The following SLC25A36 variants were observed in gnomAD, a reference collection of about 807,000 sequenced individuals.
The protein encoded by SLC25A36 is epididymis secretory sperm binding protein.
In SLC25A36, 24 loss-of-function variants were observed where a neutral mutation model predicts 35.3. That is an observed-to-expected ratio of 0.68 (90% CI 0.49 to 0.96). The LOEUF (loss-of-function observed/expected upper bound fraction) is 0.96. Among genes scored for constraint, SLC25A36 ranks in the 40% least tolerant of loss-of-function variants. SLC25A36 has a pLI of 0.00. For synonymous variants in SLC25A36, 141 were observed against 132.2 expected, an observed-to-expected ratio of 1.07 and a Z score of -0.46; for missense variants, 294 against 381.1, an observed-to-expected ratio of 0.77 and a Z score of 1.90.
In SLC25A36 at chr3:140,977,026, T is replaced by G. The variant is rs577790771; in HGVS notation, c.*573T>G. On this transcript the variant is annotated 3_prime_UTR_variant, in exon 7 of 7. Transcript: ENST00000324194. ...GTATATTTTTTAGCATCAAAATGTT[T>G]TGGTTTCCACTGCTGACAGGTGCTT... 6.6e-6 allele frequency: 1 copy of G among 152,342 alleles called. No individual in the cohort carries two copies. The highest frequency in any genetic ancestry group is 1.5e-5 in the Non-Finnish European group (1 of 68,034). 9.4% of individuals were successfully genotyped at this position (152,342 alleles called of 1,614,324 possible).
At chr3:140,953,902 C>G (rs752747685) in intron 1 of SLC25A36, among the ~76,000 whole-genome samples, 13 of 152,144 alleles carry the variant, frequency 8.5e-5, no homozygotes, top group Non-Finnish European at 1.6e-4. Context: ...CCCAGGAGTT[C>G]AAGGCTACAG....
intron 1 of SLC25A36, 95 bp downstream of exon 1, chr3:140,942,190 G>C (rs946207076): frequency 1.5e-5 from 2 of 136,508 alleles, no homozygotes; most frequent in African/African-American, 2.8e-5. Flanking sequence ...GGGTGGGGGG[G>C]TGGGGGGGCG....
intron 4 of SLC25A36, chr3:140,968,656 GT>G (rs1459804781): frequency 1.2e-4 from 118 of 978,326 alleles, no homozygotes; most frequent in Non-Finnish European, 1.3e-4. Flanking sequence ...CTATTGTAAA[GT>G]TTTTTATATA....
At chr3:140,958,959 TTTGTGTG>T (rs1934553473) in intron 2 of SLC25A36, among the ~76,000 whole-genome samples, 1 of 123,924 alleles carries the variant, frequency 8.1e-6, no homozygotes, top group Non-Finnish European at 1.6e-5. Flanking sequence ...AAAACAATGT[TTTGTGTG>T]TGTGTGTGTG....
chr3:140,957,405 T>C (rs1934506283), intron 2 of SLC25A36, among the ~76,000 whole-genome samples: 1 of 152,188 alleles, frequency 6.6e-6, no homozygotes, highest in Non-Finnish European at 1.5e-5. Context: ...TTCAAACTTG[T>C]TTACATAAGT....
chr3:140,978,708 C>T lies in SLC25A36; in HGVS notation c.*2255C>T, dbSNP rs1935115142. On this transcript the variant is annotated 3_prime_UTR_variant, in exon 7 of 7. Transcript: ENST00000324194. ...AGCAAAGAAATCTTAGAGTCTTGGA[C>T]ATTGTTTATTTGTGCAACAACTAGA... is the stretch of plus-strand genomic sequence containing the variant. 1 of 152,098 alleles carries T rather than the reference C, an allele frequency of 6.6e-6. No homozygotes were observed. The highest frequency in any genetic ancestry group is 2.4e-5 in the African/African-American group (1 of 41,422). 9.4% of individuals were successfully genotyped at this position (152,098 alleles called of 1,614,324 possible). A position where few individuals can be genotyped will look rare whatever the true frequency, so the allele number is the denominator to read the frequency against.
chr3:140,943,406 G>T (rs932462834), intron 1 of SLC25A36, among the ~76,000 whole-genome samples: 2 of 152,082 alleles, frequency 1.3e-5, no homozygotes, highest in African/African-American at 4.8e-5. Context: ...CACTGTTCTG[G>T]CATAAAAACA....
intron 3 of SLC25A36, among the ~76,000 whole-genome samples, chr3:140,962,626 C>T (rs1934657840): frequency 6.6e-6 from 1 of 151,574 alleles, no homozygotes; most frequent in East Asian, 1.9e-4. Flanking sequence ...GGATCTGCTT[C>T]ACCCTCTTCT....
intron 3 of SLC25A36, among the ~76,000 whole-genome samples, chr3:140,960,113 T>C (rs2107798271): frequency 6.6e-6 from 1 of 152,254 alleles, no homozygotes; most frequent in South Asian, 2.1e-4. Context: ...GGAAATACTC[T>C]CGTAGCTAGT....
At chr3:140,942,436 C>G (rs906891060) in intron 1 of SLC25A36, 2 of 208,122 alleles carry the variant, frequency 9.6e-6, no homozygotes, top group Non-Finnish European at 1.9e-5. Context: ...TCTGAGGAGA[C>G]GCGGGCAAGA....
In SLC25A36 at chr3:140,975,794, A is replaced by G. The variant is rs546561697; in HGVS notation, c.743-466A>G. Among the ~76,000 whole-genome samples the G allele has an allele frequency of 8.1e-4, 124 of 152,360 alleles. 1 individual carries two copies. The highest frequency in any genetic ancestry group is 1.5e-3 in the Non-Finnish European group (101 of 68,036). Reference sequence around the variant, plus strand: ...GAACATTGTCAACTTCTTTGTCCACATGATGTTTCACATTCATATATGTGG... The same window carrying G: ...GAACATTGTCAACTTCTTTGTCCACGTGATGTTTCACATTCATATATGTGG... On this transcript the variant is annotated intron_variant, in intron 6 of 6. Coordinates refer to ENST00000324194, the MANE Select transcript of SLC25A36 (RefSeq NM_001104647.3).
chr3:140,980,342 G>A lies in SLC25A36; in HGVS notation c.*3889G>A, dbSNP rs1459032060. On this transcript the variant is annotated 3_prime_UTR_variant, in exon 7 of 7. Transcript: ENST00000324194. ...AATGACAAAGATAAAATGCTATGTA[G>A]TGCCTACCCTCTTTACATTTTGTCT... 6.6e-6 allele frequency among the ~76,000 whole-genome samples: 1 copy of A among 152,152 alleles called. No individual in the cohort carries two copies. The highest frequency in any genetic ancestry group is 1.5e-5 in the Non-Finnish European group (1 of 68,038).
chr3:140,942,100 G>A lies in SLC25A36; in HGVS notation c.41+5G>A. 1 of 1,446,866 alleles carries A rather than the reference G, an allele frequency of 6.9e-7. No individual in the cohort carries two copies. Among genetic ancestry groups the A allele is most frequent in the Non-Finnish European group, 9.3e-7 (1 of 1,074,958 alleles). 89.6% of individuals were successfully genotyped at this position (1,446,866 alleles called of 1,614,324 possible). On this transcript the variant is annotated splice_donor_5th_base_variant and intron_variant, in intron 1 of 6. Coordinates refer to ENST00000324194, the MANE Select transcript of SLC25A36 (RefSeq NM_001104647.3). ...GGTGCATCTGTTTGCCGGAGGGTAAGGTCCTGGCGGGGCGTGCGCACTGGG... is the reference window on the plus strand; with the variant it reads ...GGTGCATCTGTTTGCCGGAGGGTAAAGTCCTGGCGGGGCGTGCGCACTGGG...
At chr3:140,954,879 G>A (rs1934436167) in intron 1 of SLC25A36, among the ~76,000 whole-genome samples, 1 of 151,896 alleles carries the variant, frequency 6.6e-6, no homozygotes. Flanking sequence ...AATGATTTGT[G>A]CTTCTTTTGA....
rs1407011958 is a variant in SLC25A36, at chr3:140,979,552, A to C, written c.*3099A>C. 6 of 152,166 alleles carry C rather than the reference A, an allele frequency of 3.9e-5. No individual in the cohort carries two copies. Among genetic ancestry groups the C allele is most frequent in the Non-Finnish European group, 8.8e-5 (6 of 68,016 alleles). 9.4% of individuals were successfully genotyped at this position (152,166 alleles called of 1,614,324 possible). On this transcript the variant is annotated 3_prime_UTR_variant, in exon 7 of 7. Transcript: ENST00000324194. ...AATATAGGTATTTCTGAATGATTTA[A>C]ATTTGAGGAATTTTAATACATAAAA... is the stretch of plus-strand genomic sequence containing the variant.
rs377492880 is a variant in SLC25A36, at chr3:140,958,960, TTGTGTGTGTGTGTGTGTG to T, written c.207-471_207-454del. On this transcript the variant is annotated intron_variant, in intron 2 of 6. Transcript: ENST00000324194. ...TGCTATGTCATGAAAAAACAATGTT[TTGTGTGTGTGTGTGTGTG>T]TGTGTGTGTGTGTGTGTGTGTGTGT... Among the ~76,000 whole-genome samples, 439 of 112,632 alleles carry T rather than the reference TTGTGTGTGTGTGTGTGTG, an allele frequency of 3.9e-3. 6 individuals carry two copies. The highest frequency in any genetic ancestry group is 0.023 in the Admixed American group (246 of 10,678). 73.9% of individuals were successfully genotyped at this position (112,632 alleles called of 152,430 possible). A position where few individuals can be genotyped will look rare whatever the true frequency, so the allele number is the denominator to read the frequency against.
chr3:140,976,481 A>C lies in SLC25A36; in HGVS notation c.*28A>C. On this transcript the variant is annotated 3_prime_UTR_variant, in exon 7 of 7. Coordinates refer to ENST00000324194, the MANE Select transcript of SLC25A36 (RefSeq NM_001104647.3). The stretch of plus-strand genomic sequence containing the variant: ...GCACGAGGACTGCTGTACTGCAAAA[A>C]AAGAAGACCAAAAGATTACAGTGGA... 1 of 1,563,188 alleles carries C rather than the reference A, an allele frequency of 6.4e-7. No homozygotes were observed.
chr3:140,955,875 T>C (rs997811075), intron 1 of SLC25A36, among the ~76,000 whole-genome samples: 1 of 152,116 alleles, frequency 6.6e-6, no homozygotes, highest in African/African-American at 2.4e-5. Flanking sequence ...AAACAAATTT[T>C]TTGTAAAGTG....
At chr3:140,958,748 G>A (rs773236356) in intron 2 of SLC25A36, among the ~76,000 whole-genome samples, 2 of 152,052 alleles carry the variant, frequency 1.3e-5, no homozygotes, top group Non-Finnish European at 2.9e-5. Flanking sequence ...TCTAATTGGC[G>A]GGTAGTTATT....
Sources: allele counts gnomAD v4.1 joint callset (sites outside exome capture counted in the v4.1 genomes callset), GRCh38; gene constraint gnomAD v4.1.1; transcripts MANE v1.5; gene names NCBI Gene and HGNC (gene_info 2026-07-23, HGNC 2026-07-21).